The following ADAMTS9 variants were observed in gnomAD, a reference collection of about 807,000 sequenced individuals.
The protein encoded by ADAMTS9 is A disintegrin and metalloproteinase with thrombospondin motifs 9.
ADAMTS9 carries 107 observed loss-of-function variants against 257.1 expected under a neutral mutation model. That is an observed-to-expected ratio of 0.42 (90% confidence interval 0.36 to 0.49). The LOEUF (loss-of-function observed/expected upper bound fraction) is 0.49. ADAMTS9 is among the 20% of genes least tolerant of loss of function. ADAMTS9 has a pLI of 0.03. For synonymous variants in ADAMTS9, 982 were observed against 880.9 expected, an observed-to-expected ratio of 1.11 and a Z score of -2.03; for missense variants, 2,353 against 2,469.1, an observed-to-expected ratio of 0.95 and a Z score of 1.00.
At chr3:64,536,043 G>A (rs933482586) in intron 37 of ADAMTS9, among the ~76,000 whole-genome samples, 3 of 152,108 alleles carry the variant, frequency 2.0e-5, no homozygotes, top group South Asian at 2.1e-4. Flanking sequence ...GAAGTTTTCC[G>A]GAGGTCCAGG....
intron 2 of ADAMTS9, 130 bp from the exon 3 acceptor site, chr3:64,681,493 A>C: frequency 1.1e-6 from 1 of 917,564 alleles, no homozygotes; most frequent in East Asian, 2.8e-5. Context: ...GGTTGTTTCA[A>C]CTGAAAATGC....
At chr3:64,518,358 G>A (rs2082806596) in intron 39 of ADAMTS9, among the ~76,000 whole-genome samples, 3 of 152,108 alleles carry the variant, frequency 2.0e-5, no homozygotes, top group African/African-American at 4.8e-5. Flanking sequence ...AGCCTTACAC[G>A]GTAATGGGCT....
chr3:64,642,106 A>G lies in ADAMTS9; in HGVS notation c.1711-113T>C. 4 of 1,209,178 alleles carry G rather than the reference A, an allele frequency of 3.3e-6. No homozygotes were observed. In the Admixed American group the frequency reaches 7.8e-5, roughly 24 times the overall value. The allele number at this position is 1,209,178 out of a possible 1,614,324, so 74.9% of individuals were successfully genotyped here. A position where few individuals can be genotyped will look rare whatever the true frequency, so the allele number is the denominator to read the frequency against. Reference sequence around the variant, plus strand: ...ATTCTTTTCCATGTGTGGGTTTGAAATGCTGCAGGTTCATCATCTATATGA... The same window carrying G: ...ATTCTTTTCCATGTGTGGGTTTGAAGTGCTGCAGGTTCATCATCTATATGA... On this transcript the variant is annotated intron_variant, in intron 11 of 39. Coordinates refer to ENST00000498707, the MANE Select transcript of ADAMTS9 (RefSeq NM_182920.2).
chr3:64,568,666 T>G (rs965749153), intron 28 of ADAMTS9, 131 bp from the exon 29 acceptor site: 13 of 1,074,740 alleles, frequency 1.2e-5, no homozygotes, highest in Non-Finnish European at 1.8e-5. Context: ...CAGCGCCAGT[T>G]TGGATAATAT....
intron 25 of ADAMTS9, 128 bp from the exon 26 acceptor site, chr3:64,602,341 C>A (rs2084478983): frequency 2.0e-6 from 2 of 983,612 alleles, no homozygotes; most frequent in Non-Finnish European, 3.0e-6. Flanking sequence ...CTTGGAATCA[C>A]CCTTGTCTCC....
intron 22 of ADAMTS9, 31 bp from the exon 23 acceptor site, chr3:64,607,110 A>G (rs753428556): frequency 1.9e-6 from 3 of 1,607,394 alleles, no homozygotes; most frequent in South Asian, 1.1e-5. Flanking sequence ...GGTATATACA[A>G]TTCAGCAAAT....
At chr3:64,658,154 G>A (rs2106968412) in intron 4 of ADAMTS9, among the ~76,000 whole-genome samples, 1 of 152,286 alleles carries the variant, frequency 6.6e-6, no homozygotes, top group South Asian at 2.1e-4. Flanking sequence ...ATTTATGAGT[G>A]ATTTACCTGA....
intron 4 of ADAMTS9, 75 bp from the exon 5 acceptor site, chr3:64,655,950 G>A: frequency 1.1e-6 from 1 of 886,044 alleles, no homozygotes; most frequent in Non-Finnish European, 1.7e-6. Flanking sequence ...TCTTACGTTG[G>A]GCTCCACCTC....
chr3:64,631,693 C>A, intron 15 of ADAMTS9, 115 bp downstream of exon 15: 3 of 1,190,328 alleles, frequency 2.5e-6, no homozygotes. Context: ...GATAATCCAC[C>A]ATAACGAGAC....
intron 36 of ADAMTS9, among the ~76,000 whole-genome samples, chr3:64,539,887 G>C (rs1319142257): frequency 6.6e-6 from 1 of 152,192 alleles, no homozygotes; most frequent in Non-Finnish European, 1.5e-5. Context: ...TAAATACAAG[G>C]CTAACCCAAA....
intron 14 of ADAMTS9, among the ~76,000 whole-genome samples, chr3:64,632,702 G>A (rs1700396873): frequency 6.6e-6 from 1 of 152,130 alleles, no homozygotes; most frequent in African/African-American, 2.4e-5. Context: ...AACTCAATGT[G>A]TTGCTGTGAA....
At chr3:64,558,297 C>A (rs2083368688) in intron 30 of ADAMTS9, among the ~76,000 whole-genome samples, 1 of 152,154 alleles carries the variant, frequency 6.6e-6, no homozygotes, top group Non-Finnish European at 1.5e-5. Flanking sequence ...AATTAACCTA[C>A]CTAAGCCGCA....
At chr3:64,550,770 A>T in intron 31 of ADAMTS9, 122 bp downstream of exon 31, 8 of 1,223,026 alleles carry the variant, frequency 6.5e-6, no homozygotes, top group Non-Finnish European at 9.2e-6. Flanking sequence ...CACAGTTCAC[A>T]GTGGCAAATC....
chr3:64,624,794 T>C (rs1036171114), intron 16 of ADAMTS9, among the ~76,000 whole-genome samples: 3 of 151,268 alleles, frequency 2.0e-5, no homozygotes, highest in African/African-American at 7.2e-5. Context: ...CAAATAAATT[T>C]ATTTTCATAA....
intron 28 of ADAMTS9, among the ~76,000 whole-genome samples, chr3:64,581,812 T>C: frequency 6.6e-6 from 1 of 152,184 alleles, no homozygotes; most frequent in East Asian, 1.9e-4. Flanking sequence ...ATTTCTGTGG[T>C]CTTCCATCAA....
At chr3:64,550,520 C>A in intron 31 of ADAMTS9, 1 of 190,926 alleles carries the variant, frequency 5.2e-6, no homozygotes, top group South Asian at 1.3e-4. Context: ...TCACAGTTGC[C>A]ATCTCTCCTT....
At chr3:64,642,084 C>G in intron 11 of ADAMTS9, 91 bp from the exon 12 acceptor site, 1 of 1,418,062 alleles carries the variant, frequency 7.1e-7, no homozygotes, top group South Asian at 1.3e-5. Context: ...TACTGTAATT[C>G]TTTTCCATGT....
rs187163669 is a variant in ADAMTS9 at position 64,631,633 on chromosome 3, G to A, written c.2294-83C>T. ...ATGGAATAAAAAGTGGACAACAAAG[G>A]AATAGAATATAATTCTCATATAATT... On this transcript the variant is annotated intron_variant, in intron 15 of 39. Coordinates refer to ENST00000498707, the MANE Select transcript of ADAMTS9 (RefSeq NM_182920.2). The A allele has an allele frequency of 7.5e-5, 98 of 1,303,828 alleles. No individual in the cohort carries two copies. In the Admixed American group the frequency reaches 1.1e-3, roughly 14 times the overall value. 80.8% of individuals were successfully genotyped at this position (1,303,828 alleles called of 1,614,324 possible). A position where few individuals can be genotyped will look rare whatever the true frequency, so the allele number is the denominator to read the frequency against.
intron 27 of ADAMTS9, among the ~76,000 whole-genome samples, chr3:64,595,107 A>G (rs2084340449): frequency 1.3e-5 from 2 of 152,160 alleles, no homozygotes; most frequent in Admixed American, 1.3e-4. Context: ...AGACAAACAA[A>G]AACTACCCAA....
Sources: gnomAD v4.1 joint callset for allele counts (sites outside exome capture counted in the v4.1 genomes callset) on GRCh38, gnomAD v4.1.1 for gene constraint, MANE v1.5 for transcripts, NCBI Gene and HGNC (gene_info 2026-07-23, HGNC 2026-07-21) for gene names.